The following GDA variants were observed in gnomAD, a reference collection of about 807,000 sequenced individuals.
GDA encodes the protein cytoplasmic PSD-95 interactor.
GDA carries 18 observed loss-of-function variants against 59.6 expected under a neutral mutation model. The ratio of observed to expected loss-of-function variants is 0.30; its 90% CI spans 0.21 to 0.45. GDA has a LOEUF of 0.45. Ranked by LOEUF, GDA falls within the 20% of genes least tolerant of loss-of-function variation. GDA has a pLI of 1.00. For missense variants in GDA, 427 were observed against 552.3 expected (o/e 0.77, Z 2.27); for synonymous variants, 201 against 201.1 (o/e 1.00, Z 0.00).
At chr9:72,210,210 A>T (rs1389533031) in intron 3 of GDA, among the ~76,000 whole-genome samples, 1 of 152,006 alleles carries the variant, frequency 6.6e-6, no homozygotes, top group Non-Finnish European at 1.5e-5. Flanking sequence ...CTCTCCTCTC[A>T]TGTTCTTCTT....
At chr9:72,164,504 T>C (rs2130877972) in intron 1 of GDA, among the ~76,000 whole-genome samples, 1 of 152,288 alleles carries the variant, frequency 6.6e-6, no homozygotes, top group South Asian at 2.1e-4. Context: ...GATAAGGACA[T>C]GCAGACAGTA....
At chr9:72,222,212 C>G (rs1437975096) in intron 6 of GDA, among the ~76,000 whole-genome samples, 1 of 152,194 alleles carries the variant, frequency 6.6e-6, no homozygotes, top group East Asian at 1.9e-4. Context: ...CACAACCTCA[C>G]CAGTATCTGC....
intron 1 of GDA, among the ~76,000 whole-genome samples, chr9:72,191,573 G>A (rs1028736496): frequency 2.0e-5 from 3 of 151,094 alleles, no homozygotes; most frequent in Admixed American, 6.6e-5. Context: ...CCGGGTTCAC[G>A]CCATTCTCCT....
chr9:72,259,087 C>T (rs1394471928), downstream of GDA, among the ~76,000 whole-genome samples: 4 of 149,738 alleles, frequency 2.7e-5, no homozygotes, highest in South Asian at 4.2e-4. Context: ...TGCAGTGGTA[C>T]GATCTCGGCT....
intron 2 of GDA, among the ~76,000 whole-genome samples, chr9:72,201,192 A>AGTTTT (rs371187137): frequency 1.1e-3 from 140 of 131,296 alleles, no homozygotes; most frequent in African/African-American, 3.6e-3. Context: ...AGTCACACAG[A>AGTTTT]ATTTTTTTTT....
At chr9:72,199,254 G>T (rs559071720) in intron 2 of GDA, among the ~76,000 whole-genome samples, 52 of 152,258 alleles carry the variant, frequency 3.4e-4, no homozygotes, top group African/African-American at 4.6e-4. Context: ...CACATTCCAT[G>T]CTTCTGTGTG....
chr9:72,149,985 C>G (rs926805813), intron 1 of GDA, among the ~76,000 whole-genome samples: 4 of 152,108 alleles, frequency 2.6e-5, no homozygotes, highest in African/African-American at 9.7e-5. Flanking sequence ...CCCCCGCCCC[C>G]CGTTCCAATC....
intron 1 of GDA, among the ~76,000 whole-genome samples, chr9:72,133,602 A>G (rs1826115394): frequency 6.6e-6 from 1 of 152,194 alleles, no homozygotes; most frequent in African/African-American, 2.4e-5. Context: ...ATTTGTTGCA[A>G]AATGCCACAG....
At chr9:72,160,607 C>A (rs1828499177) in intron 1 of GDA, among the ~76,000 whole-genome samples, 1 of 151,892 alleles carries the variant, frequency 6.6e-6, no homozygotes. Context: ...GTAGATATAC[C>A]ACATTTTGTT....
At chr9:72,139,471 A>G (rs967584109) in intron 1 of GDA, among the ~76,000 whole-genome samples, 5 of 152,190 alleles carry the variant, frequency 3.3e-5, no homozygotes, top group Admixed American at 6.5e-5. Context: ...ACCTGAATCC[A>G]TGTAGTCTGT....
chr9:72,200,961 T>G lies in GDA; in HGVS notation c.213-1610T>G, dbSNP rs28595862. Among the ~76,000 whole-genome samples, 931 of 152,104 alleles carry G rather than the reference T, an allele frequency of 6.1e-3. 17 individuals carry two copies. Among genetic ancestry groups the G allele is most frequent in the African/African-American group, 0.021 (887 of 41,470 alleles). On this transcript the variant is annotated intron_variant, in intron 2 of 13. Transcript: ENST00000358399. ...AGTTAACAGTTACTTTTTTTCAAGC[T>G]ACATAAATTCCCTGAGCTTTAGCTT...
intron 1 of GDA, among the ~76,000 whole-genome samples, chr9:72,190,971 A>G (rs1467509428): frequency 6.6e-6 from 1 of 152,178 alleles, no homozygotes; most frequent in Non-Finnish European, 1.5e-5. Flanking sequence ...TTCCATTTTT[A>G]TAGATGTGAG....
At chr9:72,142,767 A>G (rs1826486478) in intron 1 of GDA, among the ~76,000 whole-genome samples, 1 of 151,714 alleles carries the variant, frequency 6.6e-6, no homozygotes, top group African/African-American at 2.4e-5. Context: ...CTTTTATTTT[A>G]TTTATTTATT....
chr9:72,154,353 C>T (rs1363553591), intron 1 of GDA, among the ~76,000 whole-genome samples: 1 of 152,134 alleles, frequency 6.6e-6, no homozygotes, highest in Non-Finnish European at 1.5e-5. Context: ...TATGAAAATG[C>T]CTGGCACTTA....
chr9:72,225,958 G>A (rs531648021), intron 8 of GDA, among the ~76,000 whole-genome samples, 174 bp downstream of exon 8: 1 of 151,660 alleles, frequency 6.6e-6, no homozygotes, highest in East Asian at 1.9e-4. Flanking sequence ...GGGTACATGT[G>A]TATACATTTC....
intron 1 of GDA, among the ~76,000 whole-genome samples, chr9:72,137,876 G>T (rs1181503142): frequency 6.6e-6 from 1 of 152,124 alleles, no homozygotes. Flanking sequence ...ACGAAGGGTG[G>T]CTCTACAGTC....
At chr9:72,173,717 A>G (rs1830245211) in intron 1 of GDA, among the ~76,000 whole-genome samples, 1 of 152,172 alleles carries the variant, frequency 6.6e-6, no homozygotes, top group Non-Finnish European at 1.5e-5. Flanking sequence ...CAGATCCATA[A>G]TTTAGCTATG....
chr9:72,172,501 G>A (rs113988177), intron 1 of GDA, among the ~76,000 whole-genome samples: 8 of 152,080 alleles, frequency 5.3e-5, no homozygotes, highest in African/African-American at 1.9e-4. Flanking sequence ...GTGGTTCTTG[G>A]GCCTGCACAC....
At chr9:72,227,176 G>T (rs1485246628) in intron 8 of GDA, among the ~76,000 whole-genome samples, 1 of 152,028 alleles carries the variant, frequency 6.6e-6, no homozygotes, top group Non-Finnish European at 1.5e-5. Context: ...AAGCAAGTTG[G>T]GTACAGGTTT....
Sources: gnomAD v4.1 joint callset for allele counts (sites outside exome capture counted in the v4.1 genomes callset) on GRCh38, gnomAD v4.1.1 for gene constraint, MANE v1.5 for transcripts, NCBI Gene and HGNC (gene_info 2026-07-23, HGNC 2026-07-21) for gene names.